TDP1: variants seen among roughly 807,000 people sequenced by gnomAD.
TDP1 encodes tyrosyl-DNA phosphodiesterase 1, also known as tyr-DNA phosphodiesterase 1.
Under a neutral mutation model 81.5 loss-of-function variants are expected in TDP1, and 64 were observed. That is an observed-to-expected ratio of 0.79 (90% CI 0.64 to 0.97). The LOEUF is 0.97. Ranked by LOEUF, TDP1 falls within the 50% of genes least tolerant of loss-of-function variation. The pLI, the probability that TDP1 is intolerant of heterozygous loss-of-function variation, is 0.00. For synonymous variants in TDP1, 256 were observed against 264.3 expected (o/e 0.97, Z 0.30); for missense variants, 723 against 743.8 (o/e 0.97, Z 0.33).
At chr14:90,019,062 T>C (rs1885654503) in intron 14 of TDP1, 2 of 984,680 alleles carry the variant, frequency 2.0e-6, no homozygotes, top group Non-Finnish European at 2.4e-6. Context: ...GAAAGATAAT[T>C]ATTTTAATAG....
chr14:90,032,035 A>G (rs556328033), intron 15 of TDP1, among the ~76,000 whole-genome samples: 1 of 152,346 alleles, frequency 6.6e-6, no homozygotes, highest in East Asian at 1.9e-4. Context: ...AAGGATATTG[A>G]TGTTTATGTT....
intron 15 of TDP1, chr14:90,022,838 C>A: frequency 2.3e-6 from 2 of 859,092 alleles, no homozygotes; most frequent in Non-Finnish European, 2.8e-6. Flanking sequence ...GGTAGTTTGT[C>A]GTTTCGCTGA....
intron 3 of TDP1, 123 bp downstream of exon 3, chr14:89,963,796 AG>A (rs1402416430): frequency 9.3e-6 from 11 of 1,178,620 alleles, no homozygotes; most frequent in Non-Finnish European, 1.4e-5. Flanking sequence ...AACTACTTTC[AG>A]GAAAAAAATT....
intron 7 of TDP1, among the ~76,000 whole-genome samples, chr14:89,976,536 T>TC (rs1894349700): frequency 8.2e-6 from 1 of 122,168 alleles, no homozygotes; most frequent in Non-Finnish European, 1.6e-5. Flanking sequence ...TCTTTTTTTT[T>TC]TTTTTTTTTT....
intron 14 of TDP1, among the ~76,000 whole-genome samples, chr14:90,000,552 A>G (rs1897101258): frequency 6.6e-6 from 1 of 151,934 alleles, no homozygotes; most frequent in Non-Finnish European, 1.5e-5. Flanking sequence ...ACCACGGCTA[A>G]TTTTGTATTT....
chr14:90,036,363 T>C (rs1887817342), intron 16 of TDP1, among the ~76,000 whole-genome samples: 1 of 152,188 alleles, frequency 6.6e-6, no homozygotes, highest in Non-Finnish European at 1.5e-5. Flanking sequence ...AAAAAGTAAG[T>C]GGTTAAGAAC....
chr14:90,036,188 A>G (rs1397906212), intron 16 of TDP1, among the ~76,000 whole-genome samples: 1 of 151,474 alleles, frequency 6.6e-6, no homozygotes, highest in Non-Finnish European at 1.5e-5. Flanking sequence ...ATAAAGATAC[A>G]TACAAGAGAG....
intron 4 of TDP1, 73 bp from the exon 5 acceptor site, chr14:89,967,294 C>T (rs1893049532): frequency 6.8e-7 from 1 of 1,475,828 alleles, no homozygotes; most frequent in South Asian, 1.1e-5. Context: ...AATGTAATAA[C>T]TAAACAATTC....
At chr14:90,029,498 CT>C (rs551041373) in intron 15 of TDP1, among the ~76,000 whole-genome samples, 3,560 of 122,706 alleles carry the variant, frequency 0.029, 46 homozygotes, top group African/African-American at 0.059. Context: ...CGCACCCGGC[CT>C]TTTTTTTTTT....
intron 14 of TDP1, among the ~76,000 whole-genome samples, chr14:89,996,293 C>T (rs1288844975): frequency 6.6e-6 from 1 of 152,166 alleles, no homozygotes; most frequent in African/African-American, 2.4e-5. Flanking sequence ...GCCCCAGCCA[C>T]ACCATTTTCA....
At chr14:90,025,615 A>G (rs2140293261) in intron 15 of TDP1, among the ~76,000 whole-genome samples, 1 of 152,346 alleles carries the variant, frequency 6.6e-6, no homozygotes, top group Middle Eastern at 3.4e-3. Flanking sequence ...TAAATCAAAG[A>G]CTTTATTCTT....
intron 3 of TDP1, among the ~76,000 whole-genome samples, chr14:89,965,598 T>C (rs1438646519): frequency 6.6e-6 from 1 of 152,158 alleles, no homozygotes; most frequent in East Asian, 1.9e-4. Flanking sequence ...ACATAAAGCT[T>C]GAATGGGTAC....
intron 12 of TDP1, among the ~76,000 whole-genome samples, chr14:89,991,225 C>G (rs1026295738): frequency 1.6e-4 from 25 of 152,240 alleles, no homozygotes; most frequent in African/African-American, 5.1e-4. Context: ...TCTAACACTT[C>G]AGATCTGTGC....
intron 11 of TDP1, 97 bp downstream of exon 11, chr14:89,989,187 C>G: frequency 1.1e-6 from 1 of 929,292 alleles, no homozygotes; most frequent in Admixed American, 2.9e-5. Context: ...ATGTTTTATT[C>G]TGTGATTCTT....
At position 90,043,351 on chromosome 14, in the gene TDP1, A is replaced by G. The variant is rs375385363; in HGVS notation, c.*208A>G. ...AGTATTAGTTTCTTAATTCACTTTT[A>G]TATGTTTTGGAAAGAAAATTAGTGA... is the stretch of plus-strand genomic sequence containing the variant. On this transcript the variant is annotated 3_prime_UTR_variant, in exon 17 of 17. Transcript: ENST00000335725. The G allele has an allele frequency of 1.6e-6, 1 of 642,556 alleles. No homozygotes were observed. The highest frequency in any genetic ancestry group is 1.8e-5 in the African/African-American group (1 of 54,772). The allele number at this position is 642,556 out of a possible 1,614,324, so 39.8% of individuals were successfully genotyped here.
At chr14:90,029,194 A>T (rs1236143427) in intron 15 of TDP1, among the ~76,000 whole-genome samples, 234 of 116,052 alleles carry the variant, frequency 2.0e-3, no homozygotes, top group Middle Eastern at 4.7e-3. Context: ...CCCTGCCATT[A>T]TTTTTTTTTT....
chr14:89,963,508 G>A lies in TDP1; in HGVS notation c.394G>A (p.Ala132Thr), dbSNP rs761433325. The A allele has an allele frequency of 1.4e-5, 23 of 1,602,754 alleles. No individual in the cohort carries two copies. Among genetic ancestry groups the A allele is most frequent in the South Asian group, 2.2e-5 (2 of 89,582 alleles). The change falls in exon 3 of 17, where the codon GCT becomes ACT. Residue 132 changes from alanine to threonine, a missense_variant. Physicochemically the swap from Ala to Thr is moderately conservative, Grantham distance 58. Transcript: ENST00000335725. ...TGCCCAAAGAACTGAAAATCATGGC[G>A]CTCCCGCCTGCCACAGGCTCAAAGA... ...GTAQRTENHG[A>T]PACHRLKEEE... is the part of the protein sequence containing the mutation.
At chr14:89,958,325 C>G (rs1490244241) in intron 2 of TDP1, 2 of 152,258 alleles carry the variant, frequency 1.3e-5, no homozygotes, top group Non-Finnish European at 2.9e-5. Flanking sequence ...CGCTGTTTAG[C>G]TGGTCCGAAT....
intron 3 of TDP1, 179 bp from the exon 4 acceptor site, chr14:89,965,968 A>G (rs1043120036): frequency 1.1e-5 from 8 of 745,592 alleles, no homozygotes; most frequent in East Asian, 1.3e-4. Flanking sequence ...ATTAAATACC[A>G]TAGGGAAATT....
Sources: allele counts gnomAD v4.1 joint callset (sites outside exome capture counted in the v4.1 genomes callset), GRCh38; gene constraint gnomAD v4.1.1; transcripts MANE v1.5; gene names NCBI Gene and HGNC (gene_info 2026-07-23, HGNC 2026-07-21).